DGKZ: variants seen among roughly 807,000 people sequenced by gnomAD.
DGKZ encodes the protein diacylglycerol kinase zeta.
DGKZ carries 45 observed loss-of-function variants against 142.5 expected under a neutral mutation model. That is an observed-to-expected ratio of 0.32 (90% CI 0.25 to 0.40). The LOEUF (loss-of-function observed/expected upper bound fraction) is 0.40. Among genes scored for constraint, DGKZ ranks in the 10% least tolerant of loss-of-function variants. The pLI is 1.00. For missense variants in DGKZ, 755 were observed against 1,306.5 expected, an observed-to-expected ratio of 0.58 and a Z score of 6.51; for synonymous variants, 442 against 527.0, an observed-to-expected ratio of 0.84 and a Z score of 2.21.
At chr11:46,349,345 G>T (rs527498646) in intron 1 of DGKZ, among the ~76,000 whole-genome samples, 1 of 152,296 alleles carries the variant, frequency 6.6e-6, no homozygotes, top group South Asian at 2.1e-4. Flanking sequence ...GCAGGGGGAG[G>T]GAGGGGCGCC....
At chr11:46,357,658 G>A (rs751733763) in intron 1 of DGKZ, among the ~76,000 whole-genome samples, 31 of 152,230 alleles carry the variant, frequency 2.0e-4, no homozygotes, top group African/African-American at 3.6e-4. Context: ...GCCCAGATGC[G>A]CTAGACCTGG....
At chr11:46,376,936 AGGCAG>A in intron 24 of DGKZ, 132 bp from the exon 25 acceptor site, 1 of 750,376 alleles carries the variant, frequency 1.3e-6, no homozygotes, top group Non-Finnish European at 2.2e-6. Context: ...GGAGAGGGAC[AGGCAG>A]GGCCCCTTGC....
intron 1 of DGKZ, chr11:46,366,267 T>C (rs745685436): frequency 5.7e-6 from 9 of 1,579,868 alleles, no homozygotes; most frequent in African/African-American, 2.7e-5. Flanking sequence ...ATGGAGACTT[T>C]CTTTAGGAGA....
intron 1 of DGKZ, among the ~76,000 whole-genome samples, chr11:46,356,770 G>T (rs778565803): frequency 2.0e-5 from 3 of 152,190 alleles, no homozygotes; most frequent in Non-Finnish European, 4.4e-5. Flanking sequence ...TCAGGCAAAT[G>T]ACTTAACCGC....
intron 1 of DGKZ, among the ~76,000 whole-genome samples, chr11:46,356,045 A>G (rs4756070): frequency 1 from 152,244 of 152,260 alleles, 76,115 homozygotes; most frequent in Middle Eastern, 1. Flanking sequence ...CCGCCCGGCC[A>G]GGGTGTTAAT....
At chr11:46,359,655 G>A (rs1028271347) in intron 1 of DGKZ, among the ~76,000 whole-genome samples, 1 of 151,932 alleles carries the variant, frequency 6.6e-6, no homozygotes. Flanking sequence ...CAAGGCTGGA[G>A]TGCAGTGGCG....
In DGKZ at chr11:46,367,854, G is replaced by A. The variant is rs554338831; in HGVS notation, c.366+107G>A. 8.5e-6 allele frequency: 13 copies of A among 1,527,904 alleles called. No individual in the cohort carries two copies. The East Asian group carries it at 1.8e-4, about 21-fold the overall frequency. The allele number at this position is 1,527,904 out of a possible 1,614,324, so 94.6% of individuals were successfully genotyped here. A position where few individuals can be genotyped will look rare whatever the true frequency, so the allele number is the denominator to read the frequency against. On this transcript the variant is annotated intron_variant, in intron 3 of 30. Transcript: ENST00000527911. This position sits in a 1 kb window ranked among gnomAD's most constrained non-coding sequence, Gnocchi z 4.1. ...CTCCCTGGCACCCCTGCTGTGGGCC[G>A]CCCCAGGATGGTGAGGGGTGCAGGG...
At chr11:46,379,476 A>G in exon 30 of DGKZ, 2 of 1,610,130 alleles carry the variant, frequency 1.2e-6, no homozygotes, top group Non-Finnish European at 1.7e-6. Context: ...CAGCGGGGAG[A>G]CCTGTTTGCA....
Position 46,372,631 on chromosome 11 carries a change from G to T in DGKZ, c.1025G>T (p.Arg342Leu). The T allele has an allele frequency of 6.2e-7, 1 of 1,613,672 alleles. No homozygotes were observed. Among genetic ancestry groups the T allele is most frequent in the South Asian group, 1.1e-5 (1 of 91,080 alleles). The change falls in exon 12 of 31, where the codon CGC (arginine) becomes CTC (leucine). Residue 342 changes from arginine (R) to leucine (L), a missense_variant. Arg to Leu is a moderately radical substitution (Grantham distance 102, BLOSUM62 -2). Around this residue, in one of 8 missense-constraint regions of DGKZ, gnomAD observed 191 missense variants for 472.1 expected, o/e 0.40. Transcript: ENST00000527911. The surrounding 1 kb of genome is among the most constrained non-coding windows in gnomAD (Gnocchi z 5.9). The stretch of plus-strand genomic sequence containing the variant: ...CATGAGCCCAGGCTGGAGATGTACC[G>T]CAAAGTGCACAACCTGCGGATCCTG...
intron 26 of DGKZ, 88 bp from the exon 27 acceptor site, chr11:46,378,369 A>G (rs1590648658): frequency 6.5e-7 from 1 of 1,545,296 alleles, no homozygotes; most frequent in Non-Finnish European, 8.7e-7. Flanking sequence ...CTGGGCACAC[A>G]TGCCTGGCCG....
chr11:46,343,577 G>A (rs754408264), upstream of DGKZ, among the ~76,000 whole-genome samples: 9 of 152,204 alleles, frequency 5.9e-5, no homozygotes, highest in Non-Finnish European at 1.5e-5. Flanking sequence ...CCAGTCCTAA[G>A]AATAAAGAGT....
At chr11:46,346,198 G>A (rs964441780), upstream of DGKZ, among the ~76,000 whole-genome samples, 1 of 152,210 alleles carries the variant, frequency 6.6e-6, no homozygotes, top group African/African-American at 2.4e-5. Context: ...CCTAAGCATT[G>A]GCTATTTGCG....
Position 46,347,549 on chromosome 11 carries a change from A to G in DGKZ, c.-111A>G, listed in dbSNP as rs936792630. 15 of 990,552 alleles carry G rather than the reference A, an allele frequency of 1.5e-5. No individual in the cohort carries two copies. The African/African-American group carries it at 2.3e-4, about 15-fold the overall frequency. The allele number at this position is 990,552 out of a possible 1,614,324, so 61.4% of individuals were successfully genotyped here. A position where few individuals can be genotyped will look rare whatever the true frequency, so the allele number is the denominator to read the frequency against. ...CGCGCGGCGCGGGGCGGGCGGAGCGAGCGCGCGCCATGGAGGTGGCGGGCG... is the reference window on the plus strand; with the variant it reads ...CGCGCGGCGCGGGGCGGGCGGAGCGGGCGCGCGCCATGGAGGTGGCGGGCG... On this transcript the variant is annotated 5_prime_UTR_variant, in exon 1 of 31. Transcript: ENST00000527911. The surrounding 1 kb of genome is among the most constrained non-coding windows in gnomAD (Gnocchi z 6.4).
exon 31 of DGKZ, chr11:46,379,991 C>G (rs1422704926): frequency 2.6e-6 from 4 of 1,541,986 alleles, no homozygotes; most frequent in Middle Eastern, 4.7e-4. Flanking sequence ...GGCCAGGGGA[C>G]GAGCGCCTTC....
intron 1 of DGKZ, among the ~76,000 whole-genome samples, chr11:46,350,731 G>A (rs1463513567): frequency 1.3e-5 from 2 of 152,176 alleles, no homozygotes; most frequent in Non-Finnish European, 2.9e-5. Flanking sequence ...GGCCCCTCTG[G>A]GTAGGACAGT....
At chr11:46,347,434 C>T, upstream of DGKZ, 6 of 982,780 alleles carry the variant, frequency 6.1e-6, no homozygotes, top group Non-Finnish European at 7.2e-6. The surrounding 1 kb of genome is among the most constrained non-coding windows in gnomAD (Gnocchi z 6.4). Flanking sequence ...GCCCGGCCAG[C>T]TATGCGGGGT....
At position 46,378,218 on chromosome 11, in the gene DGKZ, C is replaced by G. The variant is rs376728224; in HGVS notation, c.2363C>G (p.Ala788Gly). ...TGCAGGTCACTGCAAGGGGATGCTG[C>G]ACCCCCTCAAGGTGAGGCCTCTCCC... is the stretch of plus-strand genomic sequence containing the variant. The change falls in exon 26 of 31, where the codon GCA (alanine) becomes GGA (glycine). Residue 788 changes from alanine to glycine, a missense_variant. Physicochemically the swap from Ala to Gly is moderately conservative, Grantham distance 60. Transcript: ENST00000527911. 1.4e-5 allele frequency: 22 copies of G among 1,608,964 alleles called. No individual in the cohort carries two copies. In the African/African-American group the frequency reaches 2.8e-4, roughly 20 times the overall value.
In DGKZ at chr11:46,337,212, C is replaced by T. The variant is rs78171722; in HGVS notation, c.212+3725C>T. 4.0e-4 allele frequency among the ~76,000 whole-genome samples: 61 copies of T among 150,932 alleles called. No homozygotes were observed. The East Asian group carries it at 8.8e-3, about 22-fold the overall frequency. On this transcript the variant is annotated intron_variant, in intron 1 of 30. Transcript: ENST00000343674. ...GTCTAAAAAGATCAGTTCAAAGATG[C>T]AGGATTTGCAATTCCAGAGTTAAAC...
chr11:46,369,402 G>A (rs1943696290), intron 4 of DGKZ, 92 bp from the exon 5 acceptor site: 1 of 1,494,666 alleles, frequency 6.7e-7, no homozygotes, highest in Admixed American at 1.7e-5. Flanking sequence ...CACCTTGTGA[G>A]GATGACTCTG....
Sources: gnomAD v4.1 joint callset for allele counts (sites outside exome capture counted in the v4.1 genomes callset) on GRCh38, gnomAD v4.1.1 for gene constraint, gnomAD v4.1.1 regional missense constraint, Gnocchi (gnomAD v3.1) non-coding constraint, MANE v1.5 for transcripts, NCBI Gene and HGNC (gene_info 2026-07-23, HGNC 2026-07-21) for gene names.